SPATA16: variants seen among roughly 807,000 people sequenced by gnomAD.
SPATA16 encodes the protein spermatogenesis-associated protein 16.
SPATA16 carries 36 observed loss-of-function variants against 63.3 expected under a neutral mutation model. That is an observed-to-expected ratio of 0.57 (90% CI 0.44 to 0.75). SPATA16 has a LOEUF of 0.75. Among genes scored for constraint, SPATA16 ranks in the 30% least tolerant of loss-of-function variants. The pLI is 0.00. For missense variants in SPATA16, 646 were observed against 679.3 expected, an observed-to-expected ratio of 0.95 and a Z score of 0.54; for synonymous variants, 203 against 216.7, an observed-to-expected ratio of 0.94 and a Z score of 0.56.
At chr3:173,069,003 G>T (rs537968395) in intron 2 of SPATA16, among the ~76,000 whole-genome samples, 1 of 151,110 alleles carries the variant, frequency 6.6e-6, no homozygotes, top group Admixed American at 6.6e-5. Flanking sequence ...CCAGCTACTC[G>T]GGAGGCTGAG....
At chr3:172,913,145 G>C (rs1488546380) in intron 10 of SPATA16, among the ~76,000 whole-genome samples, 1 of 152,082 alleles carries the variant, frequency 6.6e-6, no homozygotes, top group Non-Finnish European at 1.5e-5. Flanking sequence ...TGAGTACTTG[G>C]GTCCAGGTGC....
At chr3:172,905,430 T>C (rs146869216) in intron 10 of SPATA16, among the ~76,000 whole-genome samples, 71 of 152,310 alleles carry the variant, frequency 4.7e-4, no homozygotes, top group African/African-American at 1.7e-3. Context: ...GAAGAGTTTC[T>C]GGAAGGATTT....
intron 5 of SPATA16, among the ~76,000 whole-genome samples, chr3:172,960,557 C>G (rs1156791395): frequency 6.6e-6 from 1 of 152,154 alleles, no homozygotes; most frequent in African/African-American, 2.4e-5. Flanking sequence ...ATAATAATTT[C>G]TCCTTGTACT....
intron 5 of SPATA16, 82 bp from the exon 6 acceptor site, chr3:172,956,906 G>T: frequency 6.6e-7 from 1 of 1,516,156 alleles, no homozygotes; most frequent in Non-Finnish European, 9.0e-7. Context: ...TTACCTTTAT[G>T]GATGACTTAA....
At position 172,955,548 on chromosome 3, in the gene SPATA16, C is replaced by T. The variant is rs183242521; in HGVS notation, c.1081+1129G>A. On this transcript the variant is annotated intron_variant, in intron 6 of 10. Transcript: ENST00000351008. ...TGGCCCGTATTATGCTTCTCCTCTT[C>T]CCTTTCTCTGCCCTCAAATTACCAT... Among the ~76,000 whole-genome samples, 428 of 152,218 alleles carry T rather than the reference C, an allele frequency of 2.8e-3. 2 individuals carry two copies. The highest frequency in any genetic ancestry group is 9.9e-3 in the African/African-American group (413 of 41,540).
At chr3:173,100,393 A>G (rs1353024750) in intron 2 of SPATA16, among the ~76,000 whole-genome samples, 1 of 152,130 alleles carries the variant, frequency 6.6e-6, no homozygotes, top group Non-Finnish European at 1.5e-5. Flanking sequence ...ATGAAATTTT[A>G]AAGTTATAAA....
chr3:172,963,401 T>C (rs1463585416), intron 5 of SPATA16, among the ~76,000 whole-genome samples: 1 of 151,972 alleles, frequency 6.6e-6, no homozygotes, highest in Non-Finnish European at 1.5e-5. Flanking sequence ...ATATAGCTTT[T>C]TTGAATTCTG....
intron 3 of SPATA16, among the ~76,000 whole-genome samples, chr3:173,023,568 G>C (rs1735385741): frequency 6.6e-6 from 1 of 151,534 alleles, no homozygotes; most frequent in South Asian, 2.1e-4. Context: ...ATTTTTATTG[G>C]TATTAAACTA....
chr3:172,947,098 G>A (rs1733308283), intron 6 of SPATA16, among the ~76,000 whole-genome samples: 2 of 152,152 alleles, frequency 1.3e-5, no homozygotes, highest in Non-Finnish European at 2.9e-5. Context: ...CCACCAAGGT[G>A]GTACCTCTAA....
intron 2 of SPATA16, among the ~76,000 whole-genome samples, chr3:173,091,968 C>T (rs1452595145): frequency 2.0e-5 from 3 of 151,994 alleles, no homozygotes; most frequent in Non-Finnish European, 4.4e-5. Flanking sequence ...GTAGTGTCTC[C>T]CTCCATAAAA....
At chr3:173,027,072 C>T (rs1735469549) in intron 3 of SPATA16, among the ~76,000 whole-genome samples, 1 of 151,774 alleles carries the variant, frequency 6.6e-6, no homozygotes, top group South Asian at 2.1e-4. Flanking sequence ...ATAATTAAGG[C>T]TTTATTTAAT....
intron 6 of SPATA16, among the ~76,000 whole-genome samples, chr3:172,927,724 C>T (rs1166122963): frequency 6.6e-6 from 1 of 152,118 alleles, no homozygotes; most frequent in Non-Finnish European, 1.5e-5. Context: ...GCTTACCACT[C>T]AAAACTATCC....
intron 6 of SPATA16, among the ~76,000 whole-genome samples, chr3:172,928,059 G>A (rs889495640): frequency 2.6e-5 from 4 of 151,902 alleles, no homozygotes; most frequent in African/African-American, 7.3e-5. Flanking sequence ...ACAGGCACGC[G>A]CCACCACACC....
chr3:172,911,187 G>C (rs914993202), intron 10 of SPATA16, among the ~76,000 whole-genome samples: 1 of 152,150 alleles, frequency 6.6e-6, no homozygotes, highest in African/African-American at 2.4e-5. Context: ...TGTAGTAGCA[G>C]CCAAATTTAG....
chr3:172,904,857 G>T (rs1330922805), intron 10 of SPATA16, among the ~76,000 whole-genome samples: 1 of 152,100 alleles, frequency 6.6e-6, no homozygotes, highest in Non-Finnish European at 1.5e-5. Context: ...TCCCTTCCCG[G>T]GTCCGATTGC....
chr3:172,967,631 T>G (rs902279112), intron 5 of SPATA16, among the ~76,000 whole-genome samples: 1 of 152,142 alleles, frequency 6.6e-6, no homozygotes, highest in South Asian at 2.1e-4. Flanking sequence ...GTAAGAAGCT[T>G]TATCTGTATT....
chr3:173,077,172 C>A (rs993918200), intron 2 of SPATA16, among the ~76,000 whole-genome samples: 1 of 151,962 alleles, frequency 6.6e-6, no homozygotes, highest in African/African-American at 2.4e-5. Context: ...AAAAATAATT[C>A]TTCTAATTTA....
chr3:173,000,158 C>A (rs952733050), intron 4 of SPATA16, among the ~76,000 whole-genome samples: 3 of 152,292 alleles, frequency 2.0e-5, no homozygotes, highest in South Asian at 4.2e-4. Context: ...GGAGAAAGTT[C>A]ATTTCTGTTT....
chr3:172,916,032 G>A (rs1263566591), intron 9 of SPATA16, among the ~76,000 whole-genome samples: 1 of 152,102 alleles, frequency 6.6e-6, no homozygotes, highest in Non-Finnish European at 1.5e-5. Context: ...CCAAAAACCA[G>A]AAGCCTGACA....
Sources: allele counts gnomAD v4.1 joint callset (sites outside exome capture counted in the v4.1 genomes callset), GRCh38; gene constraint gnomAD v4.1.1; transcripts MANE v1.5; gene names NCBI Gene and HGNC (gene_info 2026-07-23, HGNC 2026-07-21).